Variants in RIPOR2 observed in about 807,000 individuals in gnomAD.
The protein encoded by RIPOR2 is rho family-interacting cell polarization regulator 2.
A neutral mutation model predicts 114.5 loss-of-function variants in RIPOR2; 39 were observed. The ratio of observed to expected loss-of-function variants is 0.34; its 90% confidence interval spans 0.26 to 0.44. The LOEUF (loss-of-function observed/expected upper bound fraction) is 0.44, where lower values mean the gene tolerates loss of function less well. Among genes scored for constraint, RIPOR2 ranks in the 20% least tolerant of loss-of-function variants. The pLI is 1.00. For missense variants in RIPOR2, 1,007 were observed against 1,255.1 expected (o/e 0.80, Z 2.99); for synonymous variants, 445 against 484.4 (o/e 0.92, Z 1.07).
intron 1 of RIPOR2, chr6:25,023,413 G>A: frequency 1.3e-6 from 1 of 769,836 alleles, no homozygotes; most frequent in Non-Finnish European, 2.4e-6. Flanking sequence ...CCCAGCCAAG[G>A]ATGTACACCC....
At chr6:24,871,149 G>T (rs1369996080) in intron 4 of RIPOR2, among the ~76,000 whole-genome samples, 1 of 152,120 alleles carries the variant, frequency 6.6e-6, no homozygotes, top group Non-Finnish European at 1.5e-5. Flanking sequence ...TTCTAGCATT[G>T]CATGCAGTCC....
chr6:24,997,905 A>G (rs2113638199), intron 1 of RIPOR2, among the ~76,000 whole-genome samples: 1 of 152,272 alleles, frequency 6.6e-6, no homozygotes, highest in South Asian at 2.1e-4. Context: ...ACTGAAACCA[A>G]AACTTTGCTT....
intron 19 of RIPOR2, among the ~76,000 whole-genome samples, chr6:24,819,630 C>CAGCCTCCCGAATAGCAG (rs61344808): frequency 6.9e-6 from 1 of 145,652 alleles, no homozygotes; most frequent in East Asian, 2.1e-4. Context: ...TCTCCTACCT[C>CAGCCTCCCGAATAGCAG]GATTACAGGT....
intron 1 of RIPOR2, among the ~76,000 whole-genome samples, chr6:24,961,953 C>T (rs1157105639): frequency 3.3e-5 from 5 of 152,092 alleles, no homozygotes; most frequent in Non-Finnish European, 7.4e-5. Flanking sequence ...TAAATGCTAG[C>T]CTGAGGCAGG....
At chr6:24,882,710 T>G (rs1442592797) in intron 1 of RIPOR2, among the ~76,000 whole-genome samples, 1 of 152,246 alleles carries the variant, frequency 6.6e-6, no homozygotes, top group African/African-American at 2.4e-5. Flanking sequence ...CCTTCTCATA[T>G]AAAGCATAAT....
chr6:24,897,385 A>C (rs1489607517), intron 1 of RIPOR2, among the ~76,000 whole-genome samples: 1 of 152,194 alleles, frequency 6.6e-6, no homozygotes, highest in Non-Finnish European at 1.5e-5. Context: ...TGGGGTATTC[A>C]GGGTGAAGAG....
At chr6:24,940,858 TG>T (rs766201974), upstream of RIPOR2, among the ~76,000 whole-genome samples, 7 of 152,298 alleles carry the variant, frequency 4.6e-5, no homozygotes, top group Non-Finnish European at 1.0e-4. Flanking sequence ...TTCACCATGT[TG>T]GTCAGGCTGA....
intron 1 of RIPOR2, among the ~76,000 whole-genome samples, chr6:24,990,891 G>A (rs1394588719): frequency 6.6e-6 from 1 of 152,190 alleles, no homozygotes; most frequent in Non-Finnish European, 1.5e-5. Flanking sequence ...GACATATGAA[G>A]CTCTAAATAC....
chr6:24,810,626 A>G (rs11969506), intron 20 of RIPOR2, among the ~76,000 whole-genome samples: 3,488 of 152,264 alleles, frequency 0.023, 127 homozygotes, highest in African/African-American at 0.073. Flanking sequence ...ATGAAAACCC[A>G]TGCAGATCAC....
At position 24,848,175 on chromosome 6, in the gene RIPOR2, A is replaced by G. The variant is rs111638000; in HGVS notation, c.1035-21T>C. Reference sequence around the variant, plus strand: ...ATGGACTGCAAAACAACAGGTCCCCAGGTATGCACATTTGGCAAAATCACC... The same window carrying G: ...ATGGACTGCAAAACAACAGGTCCCCGGGTATGCACATTTGGCAAAATCACC... On this transcript the variant is annotated intron_variant, in intron 11 of 21. Coordinates refer to ENST00000643898, the MANE Select transcript of RIPOR2 (RefSeq NM_001286445.3). 7.2e-4 allele frequency: 1,156 copies of G among 1,611,594 alleles called. 7 individuals are homozygous for G. The African/African-American group carries it at 0.012, about 17-fold the overall frequency.
chr6:24,822,007 G>A (rs1759744038), intron 19 of RIPOR2, among the ~76,000 whole-genome samples: 1 of 152,182 alleles, frequency 6.6e-6, no homozygotes, highest in Non-Finnish European at 1.5e-5. Flanking sequence ...AGTAAAAGAG[G>A]GAAATGGCAG....
chr6:24,845,346 T>C (rs1448343706), intron 12 of RIPOR2, among the ~76,000 whole-genome samples: 1 of 152,118 alleles, frequency 6.6e-6, no homozygotes, highest in Non-Finnish European at 1.5e-5. Flanking sequence ...AGGAATCTTT[T>C]AGGGGAGGGA....
intron 16 of RIPOR2, among the ~76,000 whole-genome samples, chr6:24,831,802 CTT>C (rs1760708426): frequency 1.3e-5 from 2 of 152,192 alleles, no homozygotes; most frequent in Non-Finnish European, 2.9e-5. Flanking sequence ...ATTTAAAACT[CTT>C]AGAATCAGGA....
At chr6:24,809,300 G>C (rs1780981676) in intron 21 of RIPOR2, among the ~76,000 whole-genome samples, 1 of 152,176 alleles carries the variant, frequency 6.6e-6, no homozygotes, top group African/African-American at 2.4e-5. Flanking sequence ...GTGAGGCTGA[G>C]ATACCTGGGG....
chr6:24,941,263 A>G (rs1772118835), intron 1 of RIPOR2, among the ~76,000 whole-genome samples: 1 of 152,092 alleles, frequency 6.6e-6, no homozygotes. Flanking sequence ...AAGGAGAAGA[A>G]CCCAGCAAAC....
In RIPOR2 at chr6:24,994,655, G is replaced by C. The variant is rs565631728; in HGVS notation, c.76+47196C>G. ...ATGAGAGCGATGGGACATGGTTTGG[G>C]GTGTCTGTGGCCACCATAAGGCAAA... On this transcript the variant is annotated intron_variant, in intron 1 of 13. Transcript: ENST00000510784. Among the ~76,000 whole-genome samples the C allele has an allele frequency of 5.9e-5, 9 of 152,234 alleles. No individual in the cohort carries two copies. The East Asian group carries it at 1.4e-3, about 23-fold the overall frequency.
chr6:25,000,151 G>T (rs1001401023), intron 1 of RIPOR2, among the ~76,000 whole-genome samples: 24 of 152,146 alleles, frequency 1.6e-4, no homozygotes, highest in African/African-American at 5.8e-4. Flanking sequence ...TGCCTAGAAG[G>T]TTCTTACTGG....
intron 1 of RIPOR2, among the ~76,000 whole-genome samples, chr6:25,018,745 T>C (rs1428011792): frequency 6.6e-6 from 1 of 152,210 alleles, no homozygotes; most frequent in Non-Finnish European, 1.5e-5. Flanking sequence ...TACTCTATGA[T>C]GCTATATTAA....
At chr6:24,949,299 A>C (rs774192627) in intron 1 of RIPOR2, among the ~76,000 whole-genome samples, 3 of 152,188 alleles carry the variant, frequency 2.0e-5, no homozygotes, top group Non-Finnish European at 4.4e-5. Flanking sequence ...AGCTCTCCAA[A>C]AAACAAGAAG....
Sources: allele counts gnomAD v4.1 joint callset (sites outside exome capture counted in the v4.1 genomes callset), GRCh38; gene constraint gnomAD v4.1.1; transcripts MANE v1.5; gene names NCBI Gene and HGNC (gene_info 2026-07-23, HGNC 2026-07-21).